The following RBPJ variants were observed in gnomAD, a reference collection of about 807,000 sequenced individuals.
RBPJ encodes the protein recombining binding protein suppressor of hairless.
Under a neutral mutation model 67.8 loss-of-function variants are expected in RBPJ, and 9 were observed. That is an observed-to-expected ratio of 0.13 (90% CI 0.08 to 0.23). The LOEUF (loss-of-function observed/expected upper bound fraction) is 0.23. Among genes scored for constraint, RBPJ ranks in the 10% least tolerant of loss-of-function variants. The pLI is 1.00. For missense variants in RBPJ, 305 were observed against 595.6 expected, an observed-to-expected ratio of 0.51 and a Z score of 5.08; for synonymous variants, 198 against 203.3, an observed-to-expected ratio of 0.97 and a Z score of 0.22.
intron 1 of RBPJ, among the ~76,000 whole-genome samples, chr4:26,310,351 G>T (rs963798642): frequency 5.3e-5 from 8 of 152,112 alleles, no homozygotes; most frequent in Non-Finnish European, 1.2e-4. Flanking sequence ...GAATATAAGA[G>T]AACCATAAAG....
intron 1 of RBPJ, among the ~76,000 whole-genome samples, chr4:26,165,846 C>A (rs1716267343): frequency 1.3e-5 from 2 of 149,042 alleles, no homozygotes; most frequent in African/African-American, 2.5e-5. Context: ...AGGTATGTCT[C>A]CTAATGCTAT....
chr4:26,206,802 C>T (rs950767023), intron 1 of RBPJ, among the ~76,000 whole-genome samples: 21 of 148,788 alleles, frequency 1.4e-4, no homozygotes, highest in East Asian at 3.9e-4. Context: ...CACGGGTTTT[C>T]GCAGTCACTA....
At chr4:26,407,266 C>T (rs898529938) in intron 3 of RBPJ, among the ~76,000 whole-genome samples, 18 of 152,098 alleles carry the variant, frequency 1.2e-4, no homozygotes, top group African/African-American at 4.3e-4. Flanking sequence ...GTTAATTGAG[C>T]TATGGAATGA....
chr4:26,362,463 C>T, intron 1 of RBPJ: 2 of 1,453,356 alleles, frequency 1.4e-6, no homozygotes, highest in South Asian at 3.1e-5. Context: ...AATTATGAGA[C>T]TATCATTCAA....
the RBPJ span, among the ~76,000 whole-genome samples, chr4:26,152,376 G>A: frequency 1.8e-4 from 28 of 152,274 alleles, no homozygotes; most frequent in African/African-American, 6.0e-4. Context: ...CAGTCAATCC[G>A]CAATGGACCC....
At chr4:26,320,807 A>G (rs765049804), upstream of RBPJ, 23 of 1,557,304 alleles carry the variant, frequency 1.5e-5, no homozygotes, top group East Asian at 2.9e-4. Flanking sequence ...CGCATGCTCC[A>G]TCGCCTGGGT....
intron 1 of RBPJ, among the ~76,000 whole-genome samples, chr4:26,173,852 G>GC (rs1377625424): frequency 6.6e-6 from 1 of 152,216 alleles, no homozygotes; most frequent in East Asian, 1.9e-4. Context: ...CCCTTGGGCA[G>GC]CCGGAGCCCT....
At chr4:26,239,095 G>T (rs1010273345) in intron 1 of RBPJ, among the ~76,000 whole-genome samples, 22 of 152,146 alleles carry the variant, frequency 1.4e-4, no homozygotes, top group African/African-American at 5.1e-4. Context: ...CGACTGCTCA[G>T]ATAATAGCCT....
rs1736467370 is a variant in RBPJ, at chr4:26,434,063, G to A, written c.*3056G>A. 6.6e-6 allele frequency: 1 copy of A among 152,118 alleles called. No individual in the cohort carries two copies. The highest frequency in any genetic ancestry group is 1.5e-5 in the Non-Finnish European group (1 of 67,996). The allele number at this position is 152,118 out of a possible 1,614,324, so 9.4% of individuals were successfully genotyped here. ...TCCATTTAATTTATCACATAGATTGGGAAGGCAAGCTAAAAGCCTTAAAAA... is the reference window on the plus strand; with the variant it reads ...TCCATTTAATTTATCACATAGATTGAGAAGGCAAGCTAAAAGCCTTAAAAA... On this transcript the variant is annotated 3_prime_UTR_variant, in exon 11 of 11. Transcript: ENST00000355476.
chr4:26,210,734 TA>T (rs879280335), intron 1 of RBPJ, among the ~76,000 whole-genome samples: 51 of 74,246 alleles, frequency 6.9e-4, no homozygotes, highest in Admixed American at 1.3e-3. Context: ...TTTCCTTCTT[TA>T]CTTCTTTCCT....
intron 3 of RBPJ, among the ~76,000 whole-genome samples, chr4:26,414,554 CT>C (rs1734369323): frequency 6.6e-6 from 1 of 152,084 alleles, no homozygotes. Flanking sequence ...TTCAGGCCCT[CT>C]AGAGAGATAT....
At chr4:26,316,638 A>G (rs1722647192), upstream of RBPJ, among the ~76,000 whole-genome samples, 1 of 142,760 alleles carries the variant, frequency 7.0e-6, no homozygotes, top group Non-Finnish European at 1.5e-5. Flanking sequence ...ACATATTGAT[A>G]TATATATACA....
intron 1 of RBPJ, among the ~76,000 whole-genome samples, chr4:26,248,031 C>A (rs142164576): frequency 2.1e-4 from 32 of 152,230 alleles, no homozygotes; most frequent in African/African-American, 7.5e-4. Context: ...TGGTGGCTAA[C>A]TCCTATAATC....
chr4:26,313,268 A>T (rs377601652), intron 1 of RBPJ, among the ~76,000 whole-genome samples: 57 of 152,246 alleles, frequency 3.7e-4, no homozygotes, highest in African/African-American at 1.2e-3. Context: ...GCAGTGGCTC[A>T]TGCCTGTACT....
chr4:26,233,269 C>A (rs1719348375), intron 1 of RBPJ, among the ~76,000 whole-genome samples: 1 of 152,158 alleles, frequency 6.6e-6, no homozygotes, highest in Admixed American at 6.5e-5. Context: ...ATGATTATCT[C>A]CACATTATTC....
chr4:26,364,634 T>C (rs1376032076), intron 1 of RBPJ, among the ~76,000 whole-genome samples: 1 of 149,850 alleles, frequency 6.7e-6, no homozygotes, highest in African/African-American at 2.5e-5. Context: ...TCTTTTTTTT[T>C]TTTTTTTCTT....
At chr4:26,134,940 C>G in the RBPJ span, among the ~76,000 whole-genome samples, 1 of 152,166 alleles carries the variant, frequency 6.6e-6, no homozygotes, top group African/African-American at 2.4e-5. Context: ...CCCTGAGACA[C>G]AGCAACTCCA....
At chr4:26,138,027 T>A in the RBPJ span, among the ~76,000 whole-genome samples, 3 of 151,482 alleles carry the variant, frequency 2.0e-5, no homozygotes, top group East Asian at 1.9e-4. Context: ...AGACATGATA[T>A]CTTCCCTTAG....
chr4:26,109,755 G>C, the RBPJ span, among the ~76,000 whole-genome samples: 1 of 137,980 alleles, frequency 7.2e-6, no homozygotes, highest in African/African-American at 2.7e-5. Context: ...ACTTCCTCCT[G>C]TATTCTCAAT....
Sources: allele counts gnomAD v4.1 joint callset (sites outside exome capture counted in the v4.1 genomes callset), GRCh38; gene constraint gnomAD v4.1.1; transcripts MANE v1.5; gene names NCBI Gene and HGNC (gene_info 2026-07-23, HGNC 2026-07-21).